PCMTD1: variants seen among roughly 807,000 people sequenced by gnomAD.
The protein encoded by PCMTD1 is protein-L-isoaspartate (D-aspartate) O-methyltransferase domain containing 1.
A neutral mutation model predicts 37.6 loss-of-function variants in PCMTD1; 12 were observed. The observed-to-expected ratio is 0.32, with a 90% CI of 0.20 to 0.52. PCMTD1 has a LOEUF of 0.52. Ranked by LOEUF, PCMTD1 falls within the 20% of genes least tolerant of loss-of-function variation. PCMTD1 has a pLI of 0.97. For missense variants in PCMTD1, 235 were observed against 421.3 expected (o/e 0.56, Z 3.87); for synonymous variants, 117 against 135.8 (o/e 0.86, Z 0.96).
At chr8:51,886,396 T>A (rs1281663651) in intron 1 of PCMTD1, among the ~76,000 whole-genome samples, 1 of 152,230 alleles carries the variant, frequency 6.6e-6, no homozygotes, top group Non-Finnish European at 1.5e-5. Flanking sequence ...AAAAGCCCTT[T>A]TGTCAATACC....
At chr8:51,837,499 C>T (rs2038084645) in intron 3 of PCMTD1, among the ~76,000 whole-genome samples, 1 of 152,126 alleles carries the variant, frequency 6.6e-6, no homozygotes, top group South Asian at 2.1e-4. Context: ...GCCAAACACA[C>T]TACAAAGAAA....
intron 1 of PCMTD1, among the ~76,000 whole-genome samples, chr8:51,879,486 G>C (rs2038761638): frequency 1.3e-5 from 2 of 152,250 alleles, no homozygotes; most frequent in South Asian, 4.1e-4. Flanking sequence ...TCTGAGGTGG[G>C]CTATAGGAAT....
At chr8:51,833,448 T>A in intron 4 of PCMTD1, 70 bp downstream of exon 4, 3 of 1,295,236 alleles carry the variant, frequency 2.3e-6, no homozygotes, top group Non-Finnish European at 3.2e-6. Context: ...TTTCACTGAA[T>A]AAAATTTCTT....
chr8:51,834,793 A>C (rs1165845294), intron 3 of PCMTD1, among the ~76,000 whole-genome samples: 1 of 152,158 alleles, frequency 6.6e-6, no homozygotes, highest in African/African-American at 2.4e-5. Flanking sequence ...TCTATTTCCT[A>C]AAGAAGAAAA....
chr8:51,861,770 G>A (rs1293561893), intron 1 of PCMTD1, among the ~76,000 whole-genome samples: 3 of 151,308 alleles, frequency 2.0e-5, no homozygotes, highest in Admixed American at 6.6e-5. Context: ...CACCCAGGCT[G>A]GAGTACAGTG....
At chr8:51,879,826 G>A (rs1005716787) in intron 1 of PCMTD1, among the ~76,000 whole-genome samples, 1 of 152,050 alleles carries the variant, frequency 6.6e-6, no homozygotes, top group Non-Finnish European at 1.5e-5. Context: ...GCAACATGTG[G>A]CAAAGGGTTG....
intron 5 of PCMTD1, among the ~76,000 whole-genome samples, chr8:51,825,853 A>T: frequency 6.6e-6 from 1 of 152,206 alleles, no homozygotes; most frequent in Non-Finnish European, 1.5e-5. Flanking sequence ...AAAGGAAACA[A>T]CAGATGCTCG....
chr8:51,858,799 T>C (rs1446465307), intron 2 of PCMTD1, among the ~76,000 whole-genome samples: 1 of 152,174 alleles, frequency 6.6e-6, no homozygotes, highest in Admixed American at 6.5e-5. Context: ...CACTGCCATA[T>C]ATGTAACTAA....
At chr8:51,850,036 T>C in intron 2 of PCMTD1, 2 of 702,072 alleles carry the variant, frequency 2.8e-6, no homozygotes, top group Middle Eastern at 2.3e-4. Flanking sequence ...GTTCTGAAGA[T>C]GAAATAATTC....
intron 3 of PCMTD1, among the ~76,000 whole-genome samples, chr8:51,840,968 A>G (rs1290780501): frequency 6.6e-6 from 1 of 152,176 alleles, no homozygotes; most frequent in African/African-American, 2.4e-5. Flanking sequence ...TATGAAAATA[A>G]AAGTACTCCT....
At chr8:51,825,239 T>A (rs1004263821) in intron 5 of PCMTD1, among the ~76,000 whole-genome samples, 34 of 152,042 alleles carry the variant, frequency 2.2e-4, no homozygotes, top group African/African-American at 8.2e-4. Context: ...AAATAAACTA[T>A]CATCAGAGTG....
chr8:51,867,857 A>G (rs2129288883), intron 1 of PCMTD1, among the ~76,000 whole-genome samples: 1 of 152,168 alleles, frequency 6.6e-6, no homozygotes, highest in Non-Finnish European at 1.5e-5. Flanking sequence ...CAAAGGGCAT[A>G]AAGTTTCTGC....
intron 5 of PCMTD1, among the ~76,000 whole-genome samples, chr8:51,821,047 T>C (rs577156197): frequency 6.6e-6 from 1 of 152,152 alleles, no homozygotes; most frequent in Non-Finnish European, 1.5e-5. Context: ...GGAGAGAGAC[T>C]ATCCTGTGTA....
Position 51,823,326 on chromosome 8 carries a change from T to G in PCMTD1, c.707-2608A>C, listed in dbSNP as rs1483026478. Among the ~76,000 whole-genome samples, 3 of 152,118 alleles carry G rather than the reference T, an allele frequency of 2.0e-5. No homozygotes were observed. The East Asian group carries it at 5.8e-4, about 29-fold the overall frequency. On this transcript the variant is annotated intron_variant, in intron 5 of 5. Transcript: ENST00000522514. ...AAAAAAGAGAAAAATTAGCCGGGCATGGTGGTACACGCCTGTATTCCCAGC... is the reference window on the plus strand; with the variant it reads ...AAAAAAGAGAAAAATTAGCCGGGCAGGGTGGTACACGCCTGTATTCCCAGC...
chr8:51,831,448 T>C lies in PCMTD1; in HGVS notation c.702A>G (p.Gly234=). The C allele has an allele frequency of 1.2e-6, 2 of 1,612,538 alleles. No homozygotes were observed. The highest frequency in any genetic ancestry group is 8.5e-7 in the Non-Finnish European group (1 of 1,179,546). The stretch of plus-strand genomic sequence containing the variant: ...AAAATATGAAGAGCTACTTACGGAG[T>C]CCCACAGAATCTGGTTTGCCATTAT... The part of the protein sequence containing the change: ...KNDNGKPDSV[G]LPPCAVRNLQ... The change falls in exon 5 of 6, where the codon GGA becomes GGG. Residue 234 remains glycine (G), a synonymous_variant. Coordinates refer to ENST00000522514, the MANE Select transcript of PCMTD1 (RefSeq NM_052937.4).
At chr8:51,887,729 A>G (rs1240570268) in intron 1 of PCMTD1, among the ~76,000 whole-genome samples, 1 of 146,542 alleles carries the variant, frequency 6.8e-6, no homozygotes, top group African/African-American at 2.4e-5. Context: ...GTTTCACAAA[A>G]AAGTTTTCAT....
rs372654056 is a variant in PCMTD1 at position 51,865,531 on chromosome 8, A to G, written c.-95-4285T>C. Among the ~76,000 whole-genome samples, 97 of 152,194 alleles carry G rather than the reference A, an allele frequency of 6.4e-4. 1 individual carries two copies. The highest frequency in any genetic ancestry group is 1.9e-3 in the African/African-American group (80 of 41,570). ...AGGATTGTTGAATATACACAAATCA[A>G]TAATGTGATGGATGTACCATATTAA... On this transcript the variant is annotated intron_variant, in intron 1 of 5. Transcript: ENST00000522514.
At chr8:51,877,318 T>G (rs2038726810) in intron 1 of PCMTD1, among the ~76,000 whole-genome samples, 2 of 152,072 alleles carry the variant, frequency 1.3e-5, no homozygotes. Context: ...GGATAGTAAC[T>G]CAGAACTTTT....
intron 5 of PCMTD1, among the ~76,000 whole-genome samples, chr8:51,826,760 T>A (rs1057267828): frequency 1.9e-4 from 29 of 152,158 alleles, no homozygotes; most frequent in Admixed American, 4.6e-4. Flanking sequence ...TATAGCTCAA[T>A]GTGATATAGT....
Sources: allele counts gnomAD v4.1 joint callset (sites outside exome capture counted in the v4.1 genomes callset), GRCh38; gene constraint gnomAD v4.1.1; transcripts MANE v1.5; gene names NCBI Gene and HGNC (gene_info 2026-07-23, HGNC 2026-07-21).